TRMT11: variants seen among roughly 807,000 people sequenced by gnomAD.
TRMT11 encodes the protein tRNA methyltransferase 11.
TRMT11 carries 53 observed loss-of-function variants against 62.8 expected under a neutral mutation model. That is an observed-to-expected ratio of 0.84 (90% CI 0.68 to 1.06). TRMT11 has a LOEUF of 1.06. TRMT11 is among the 50% of genes least tolerant of loss of function. The pLI is 0.00. For missense variants in TRMT11, 556 were observed against 553.4 expected (o/e 1.00, Z -0.05); for synonymous variants, 188 against 190.3 (o/e 0.99, Z 0.10).
At chr6:126,223,301 G>A in the TRMT11 span, among the ~76,000 whole-genome samples, 2 of 151,984 alleles carry the variant, frequency 1.3e-5, no homozygotes. Flanking sequence ...GGCGCCTGTA[G>A]TCCCAGCTAC....
chr6:126,204,498 C>A (rs1169076102), downstream of TRMT11, among the ~76,000 whole-genome samples: 1 of 152,190 alleles, frequency 6.6e-6, no homozygotes. Context: ...TATAGACTAT[C>A]CTGACAAGTC....
At chr6:126,114,841 C>T (rs1332050814) in intron 19 of TRMT11, among the ~76,000 whole-genome samples, 1 of 151,978 alleles carries the variant, frequency 6.6e-6, no homozygotes, top group Admixed American at 6.6e-5. Context: ...GATGAACAGG[C>T]TTGATAAAGA....
Position 126,179,580 on chromosome 6 carries a change from C to T in TRMT11, n.143+2245C>T, listed in dbSNP as rs576194330. Among the ~76,000 whole-genome samples, 6 of 152,160 alleles carry T rather than the reference C, an allele frequency of 3.9e-5. No individual in the cohort carries two copies. The South Asian group carries it at 1.2e-3, about 32-fold the overall frequency. On this transcript the variant is annotated intron_variant and non_coding_transcript_variant, in intron 1 of 3. Coordinates refer to the TRMT11 transcript ENST00000444229. Reference sequence around the variant, plus strand: ...ATTCCCATTGTTTAATCTTTCATTTCCCCAAAGATTAACTTGTCATGAAAA... The same window carrying T: ...ATTCCCATTGTTTAATCTTTCATTTTCCCAAAGATTAACTTGTCATGAAAA...
rs977650706 is a variant in TRMT11, at chr6:126,091,999, C to T, written c.*1438-20867C>T. ...GCTAAAAATAACTCATCACCTACGT[C>T]TACGAGTCCTAAGAAACATTTAAGT... On this transcript the variant is annotated intron_variant and NMD_transcript_variant, in intron 17 of 22. Transcript: ENST00000648977. Among the ~76,000 whole-genome samples the T allele has an allele frequency of 2.0e-5, 3 of 152,152 alleles. No homozygotes were observed. In the South Asian group the frequency reaches 6.2e-4, roughly 32 times the overall value.
At chr6:126,172,657 T>C (rs73771405), upstream of TRMT11, among the ~76,000 whole-genome samples, 2,290 of 152,258 alleles carry the variant, frequency 0.015, 52 homozygotes, top group African/African-American at 0.05. Context: ...GTCCCATCCG[T>C]CCAATATTTG....
chr6:126,133,393 T>C (rs1777811576), intron 21 of TRMT11, among the ~76,000 whole-genome samples: 1 of 152,058 alleles, frequency 6.6e-6, no homozygotes. Context: ...TAAATTTCTT[T>C]TGAGGTTGAT....
chr6:126,023,477 A>T (rs1017001645), intron 12 of TRMT11, among the ~76,000 whole-genome samples: 1 of 152,028 alleles, frequency 6.6e-6, no homozygotes, highest in African/African-American at 2.4e-5. Flanking sequence ...GTGAAACCCC[A>T]TCTCTACTAA....
At position 125,998,287 on chromosome 6, in the gene TRMT11, C is replaced by G. The variant is rs183396194; in HGVS notation, c.359C>G (p.Thr120Arg). ...ATTCACACTTTTAATAAGACATTGA[C>G]ACAAGAAGAGAAAATCAAGCGAATA... ...IKIHTFNKTLTQEEKIKRIDA... is the reference protein window; with the variant it reads ...IKIHTFNKTLRQEEKIKRIDA... The change falls in exon 5 of 13, where the codon ACA becomes AGA. Residue 120 changes from threonine to arginine, a missense_variant. Transcript: ENST00000334379. The G allele has an allele frequency of 1.7e-4, 276 of 1,600,416 alleles. 1 individual carries two copies. The East Asian group carries it at 6.1e-3, about 35-fold the overall frequency.
chr6:126,093,631 A>ATATATATATATATATATT (rs1554236842), intron 17 of TRMT11, among the ~76,000 whole-genome samples: 1 of 98,014 alleles, frequency 1.0e-5, no homozygotes, highest in East Asian at 3.0e-4. Context: ...ATATATATAT[A>ATATATATATATATATATT]TTTTCCCCCA....
At chr6:126,177,588 T>G (rs1778401076) in intron 1 of TRMT11, among the ~76,000 whole-genome samples, 4 of 152,154 alleles carry the variant, frequency 2.6e-5, no homozygotes, top group African/African-American at 7.2e-5. Context: ...CCCTATCAAC[T>G]CTCCCCACAC....
the TRMT11 span, among the ~76,000 whole-genome samples, chr6:126,259,622 A>C: frequency 2.6e-5 from 4 of 152,280 alleles, no homozygotes; most frequent in East Asian, 5.8e-4. Context: ...AATGATTTCT[A>C]TTCCTTTGGG....
the TRMT11 span, among the ~76,000 whole-genome samples, chr6:126,259,533 G>A: frequency 1.3e-5 from 2 of 152,132 alleles, no homozygotes; most frequent in South Asian, 4.1e-4. Flanking sequence ...ACCATTGATG[G>A]GTATTATGTT....
At chr6:126,048,475 G>T (rs142891013) in intron 16 of TRMT11, among the ~76,000 whole-genome samples, 1 of 152,334 alleles carries the variant, frequency 6.6e-6, no homozygotes, top group East Asian at 1.9e-4. Context: ...GCTTCAAACA[G>T]TGGAAACAAA....
At chr6:126,226,485 T>C in the TRMT11 span, among the ~76,000 whole-genome samples, 1 of 152,218 alleles carries the variant, frequency 6.6e-6, no homozygotes, top group Non-Finnish European at 1.5e-5. Context: ...TTTTCTGTGC[T>C]CGCATTAAAG....
the TRMT11 span, among the ~76,000 whole-genome samples, chr6:126,210,978 C>T: frequency 1.0e-5 from 1 of 96,490 alleles, no homozygotes; most frequent in East Asian, 4.2e-4. Flanking sequence ...AGATAACATT[C>T]CCTTTTTTTT....
chr6:126,000,310 A>G (rs1792257952), intron 7 of TRMT11, among the ~76,000 whole-genome samples: 1 of 152,106 alleles, frequency 6.6e-6, no homozygotes, highest in Admixed American at 6.6e-5. Flanking sequence ...TGTTTGACCA[A>G]GCTCATTGTG....
chr6:126,124,601 AT>A (rs1777692949), intron 21 of TRMT11, among the ~76,000 whole-genome samples: 1 of 151,992 alleles, frequency 6.6e-6, no homozygotes, highest in Non-Finnish European at 1.5e-5. Context: ...AAAAGTGTGC[AT>A]TTTTGTCTGT....
At chr6:126,105,501 G>A (rs1044287103) in intron 17 of TRMT11, among the ~76,000 whole-genome samples, 9 of 152,142 alleles carry the variant, frequency 5.9e-5, no homozygotes, top group African/African-American at 2.2e-4. Flanking sequence ...CAAGTACCTG[G>A]AAGCCAGATG....
At chr6:125,990,290 C>T (rs1034455401) in intron 1 of TRMT11, among the ~76,000 whole-genome samples, 8 of 152,040 alleles carry the variant, frequency 5.3e-5, no homozygotes, top group East Asian at 1.9e-4. Flanking sequence ...AAGATAGGAA[C>T]GCATAGGAGC....
Sources: allele counts gnomAD v4.1 joint callset (sites outside exome capture counted in the v4.1 genomes callset), GRCh38; gene constraint gnomAD v4.1.1; transcripts MANE v1.5; gene names NCBI Gene and HGNC (gene_info 2026-07-23, HGNC 2026-07-21).